Variants in SORCS3 observed in about 807,000 individuals in gnomAD.
SORCS3 encodes the protein VPS10 domain-containing receptor SorCS3.
A neutral mutation model predicts 146.3 loss-of-function variants in SORCS3; 57 were observed. The ratio of observed to expected loss-of-function variants is 0.39; its 90% CI spans 0.31 to 0.49. The LOEUF is 0.49. Among genes scored for constraint, SORCS3 ranks in the 20% least tolerant of loss-of-function variants. The pLI is 0.92. For missense variants in SORCS3, 1,341 were observed against 1,575.5 expected (o/e 0.85, Z 2.52); for synonymous variants, 653 against 618.5 (o/e 1.06, Z -0.83).
Position 105,216,974 on chromosome 10 carries a change from G to C in SORCS3, c.2586G>C (p.Gly862=). The change falls in exon 19 of 27, where the codon GGG becomes GGC. Residue 862 remains glycine, a synonymous_variant. Transcript: ENST00000369701. ...GGACAAACATCCAGCTTGACTTTGG[G>C]GATGGGATTGCTGTGTCCTACGCAA... ...LQRTNIQLDF[G]DGIAVSYANF... 6.2e-7 allele frequency: 1 copy of C among 1,614,148 alleles called. No homozygotes were observed. The highest frequency in any genetic ancestry group is 8.5e-7 in the Non-Finnish European group (1 of 1,180,022).
chr10:105,137,772 C>T lies in SORCS3; in HGVS notation c.1213-1625C>T, dbSNP rs949263207. ...GTAATCTGTGTTTTCACAAGCTTTC[C>T]AGGTGATTCTGATGCATGCTGAAGT... On this transcript the variant is annotated intron_variant, in intron 7 of 26. Coordinates refer to ENST00000369701, the MANE Select transcript of SORCS3 (RefSeq NM_014978.3). 7.2e-5 allele frequency among the ~76,000 whole-genome samples: 11 copies of T among 151,864 alleles called. No homozygotes were observed. In the East Asian group the frequency reaches 9.7e-4, roughly 13 times the overall value.
At chr10:104,808,542 T>C (rs1050070442) in intron 1 of SORCS3, among the ~76,000 whole-genome samples, 1 of 151,990 alleles carries the variant, frequency 6.6e-6, no homozygotes, top group African/African-American at 2.4e-5. Context: ...GGGAAGGACA[T>C]TCAGATGGAG....
intron 5 of SORCS3, among the ~76,000 whole-genome samples, chr10:105,068,064 C>T (rs1205281268): frequency 6.6e-6 from 1 of 152,066 alleles, no homozygotes; most frequent in Non-Finnish European, 1.5e-5. Flanking sequence ...ACTTCTCATG[C>T]CCCTCGCAAC....
At chr10:104,830,252 A>G (rs1308555843) in intron 1 of SORCS3, among the ~76,000 whole-genome samples, 2 of 152,216 alleles carry the variant, frequency 1.3e-5, no homozygotes, top group Admixed American at 6.5e-5. Flanking sequence ...TTACGGCTGC[A>G]TAGTATTTCT....
chr10:105,163,608 C>A (rs2119516027), intron 11 of SORCS3, among the ~76,000 whole-genome samples: 1 of 152,132 alleles, frequency 6.6e-6, no homozygotes, highest in Admixed American at 6.5e-5. Context: ...ATAAGCATAG[C>A]CACAAGGTGA....
intron 6 of SORCS3, among the ~76,000 whole-genome samples, chr10:105,099,530 T>C (rs542054535): frequency 6.6e-6 from 1 of 152,320 alleles, no homozygotes; most frequent in East Asian, 1.9e-4. Flanking sequence ...TTCAGTTCAG[T>C]TTAACCAGCA....
intron 2 of SORCS3, among the ~76,000 whole-genome samples, chr10:104,852,698 T>C (rs886982357): frequency 8.5e-5 from 13 of 152,212 alleles, no homozygotes; most frequent in African/African-American, 3.1e-4. Context: ...CCTCTACCCA[T>C]CTTTCTTCCT....
At position 104,684,815 on chromosome 10, in the gene SORCS3, T is replaced by G. The variant is rs1589456882; in HGVS notation, c.627+42861T>G. Among the ~76,000 whole-genome samples, 3 of 58,374 alleles carry G rather than the reference T, an allele frequency of 5.1e-5. 1 individual carries two copies. Among genetic ancestry groups the G allele is most frequent in the African/African-American group, 8.6e-5 (1 of 11,596 alleles). The allele number at this position is 58,374 out of a possible 152,430, so 38.3% of individuals were successfully genotyped here. A position where few individuals can be genotyped will look rare whatever the true frequency, so the allele number is the denominator to read the frequency against. ...TTTTTTTTTTTTTTTTTTTTTTTTT[T>G]TTTTTTTTTTTTTTTTTTATGAGAC... On this transcript the variant is annotated intron_variant, in intron 1 of 26. Coordinates refer to ENST00000369701, the MANE Select transcript of SORCS3 (RefSeq NM_014978.3).
chr10:105,183,364 T>C (rs1589677297), intron 14 of SORCS3, among the ~76,000 whole-genome samples: 1 of 90,242 alleles, frequency 1.1e-5, no homozygotes, highest in Admixed American at 1.1e-4. Flanking sequence ...GCTGCAGAGG[T>C]TTTTTTTTCT....
chr10:105,196,436 T>G (rs550218884), intron 14 of SORCS3, among the ~76,000 whole-genome samples: 1 of 152,250 alleles, frequency 6.6e-6, no homozygotes, highest in East Asian at 1.9e-4. Context: ...AAACACTGTC[T>G]CTATTAAAAA....
At chr10:105,038,265 T>G (rs971654543) in intron 4 of SORCS3, among the ~76,000 whole-genome samples, 1 of 152,200 alleles carries the variant, frequency 6.6e-6, no homozygotes, top group African/African-American at 2.4e-5. Flanking sequence ...TGTTTATTGT[T>G]TGGAAAACAC....
At chr10:104,801,948 T>G (rs2017629135) in intron 1 of SORCS3, among the ~76,000 whole-genome samples, 1 of 152,218 alleles carries the variant, frequency 6.6e-6, no homozygotes, top group South Asian at 2.1e-4. Context: ...GATGTTAAAA[T>G]GGGAATTGTA....
At chr10:104,994,727 G>T (rs1194873171) in intron 4 of SORCS3, among the ~76,000 whole-genome samples, 5 of 151,950 alleles carry the variant, frequency 3.3e-5, no homozygotes, top group African/African-American at 1.2e-4. Flanking sequence ...TTTTTGCACA[G>T]CCTGTTTCTC....
At chr10:104,787,044 G>A (rs982113936) in intron 1 of SORCS3, among the ~76,000 whole-genome samples, 2 of 152,212 alleles carry the variant, frequency 1.3e-5, no homozygotes, top group African/African-American at 4.8e-5. Context: ...AACCAACAGA[G>A]CAGCACAGTC....
At chr10:105,172,989 T>C (rs1490136432) in intron 13 of SORCS3, among the ~76,000 whole-genome samples, 2 of 152,236 alleles carry the variant, frequency 1.3e-5, no homozygotes, top group Non-Finnish European at 2.9e-5. Context: ...TTAAGTATTC[T>C]GCTTTAAGTT....
At chr10:105,222,044 CTTT>C (rs34795700) in intron 19 of SORCS3, among the ~76,000 whole-genome samples, 9 of 76,512 alleles carry the variant, frequency 1.2e-4, no homozygotes, top group Middle Eastern at 0.01. Context: ...TACCTTAACA[CTTT>C]TTTTTTTTTT....
At chr10:105,041,108 G>C in intron 4 of SORCS3, among the ~76,000 whole-genome samples, 1 of 146,744 alleles carries the variant, frequency 6.8e-6, no homozygotes, top group Non-Finnish European at 1.5e-5. Context: ...TATATAAAAT[G>C]GGTTCAAGAT....
intron 1 of SORCS3, among the ~76,000 whole-genome samples, chr10:104,784,526 C>T (rs1156851889): frequency 2.0e-5 from 3 of 152,280 alleles, no homozygotes; most frequent in South Asian, 2.1e-4. Context: ...GAGTGTTTTC[C>T]GGACAATGCA....
chr10:105,049,381 C>T (rs567535379), intron 5 of SORCS3, among the ~76,000 whole-genome samples: 22 of 152,148 alleles, frequency 1.4e-4, no homozygotes, highest in Admixed American at 5.2e-4. Flanking sequence ...CCTTCCAGAA[C>T]TCCCCTTACA....
Sources: allele counts gnomAD v4.1 joint callset (sites outside exome capture counted in the v4.1 genomes callset), GRCh38; gene constraint gnomAD v4.1.1; transcripts MANE v1.5; gene names NCBI Gene and HGNC (gene_info 2026-07-23, HGNC 2026-07-21).